RHOQ: variants seen among roughly 807,000 people sequenced by gnomAD.
RHOQ encodes the protein rho-related GTP-binding protein RhoQ.
Under a neutral mutation model 25.8 loss-of-function variants are expected in RHOQ, and 7 were observed. That is an observed-to-expected ratio of 0.27 (90% CI 0.15 to 0.51). RHOQ has a LOEUF of 0.51. Ranked by LOEUF, RHOQ falls within the 20% of genes least tolerant of loss-of-function variation. The pLI, the probability that RHOQ is intolerant of heterozygous loss-of-function variation, is 0.97. For missense variants in RHOQ, 165 were observed against 260.6 expected (o/e 0.63, Z 2.53); for synonymous variants, 97 against 98.6 (o/e 0.98, Z 0.10).
chr2:46,549,783 C>T (rs1010560589), intron 2 of RHOQ, among the ~76,000 whole-genome samples: 2 of 152,170 alleles, frequency 1.3e-5, no homozygotes, highest in Non-Finnish European at 2.9e-5. Flanking sequence ...TCCCCCGGCT[C>T]CCTGGGTAGA....
chr2:46,544,206 A>G (rs1157717371), intron 2 of RHOQ, among the ~76,000 whole-genome samples: 2 of 152,146 alleles, frequency 1.3e-5, no homozygotes, highest in Admixed American at 1.3e-4. Flanking sequence ...CTGCCTGCCC[A>G]AGGAGCCTGA....
At chr2:46,553,813 G>A (rs1439085365) in intron 2 of RHOQ, among the ~76,000 whole-genome samples, 4 of 152,136 alleles carry the variant, frequency 2.6e-5, no homozygotes, top group African/African-American at 7.2e-5. Flanking sequence ...TTCTGACCTT[G>A]TGATCCGCCC....
At chr2:46,550,542 G>T (rs1668208376) in intron 2 of RHOQ, among the ~76,000 whole-genome samples, 1 of 152,178 alleles carries the variant, frequency 6.6e-6, no homozygotes, top group Non-Finnish European at 1.5e-5. Flanking sequence ...GAGACCTCTT[G>T]CTCCCAGATC....
rs1159163787 is a variant in RHOQ, at chr2:46,542,964, A to AC, written c.-77dup. The AC allele has an allele frequency of 1.3e-4, 117 of 924,488 alleles. No homozygotes were observed. The highest frequency in any genetic ancestry group is 1.5e-4 in the Non-Finnish European group (114 of 735,866). The allele number at this position is 924,488 out of a possible 1,614,324, so 57.3% of individuals were successfully genotyped here. ...CGCGGAGCGGCGGCGACGGCGGCGGACCCCCCAGGCGGGCTGGGGCTGAGC... is the reference window on the plus strand; with the variant it reads ...CGCGGAGCGGCGGCGACGGCGGCGGACCCCCCCAGGCGGGCTGGGGCTGAGC... On this transcript the variant is annotated 5_prime_UTR_variant, in exon 1 of 5. An upstream open reading frame in the 5' UTR loses its in-frame stop. Transcript: ENST00000238738.
At chr2:46,551,239 G>A (rs561014492) in intron 2 of RHOQ, among the ~76,000 whole-genome samples, 1 of 152,336 alleles carries the variant, frequency 6.6e-6, no homozygotes, top group Non-Finnish European at 1.5e-5. Flanking sequence ...GGGCAGCTGG[G>A]TAGGGCCTGG....
chr2:46,560,742 C>T (rs1030943822), intron 2 of RHOQ: 8 of 419,540 alleles, frequency 1.9e-5, no homozygotes, highest in Admixed American at 2.5e-5. Flanking sequence ...CTAGACTTTG[C>T]GTAGAGTCTG....
Position 46,581,752 on chromosome 2 carries a change from T to G in RHOQ, c.*669T>G, listed in dbSNP as rs1214367571. On this transcript the variant is annotated 3_prime_UTR_variant, in exon 5 of 5. Transcript: ENST00000238738. Reference sequence around the variant, plus strand: ...CTGCATTTATCATGAACACTAAAAATGTACACATTTTAGTTAATGTGCATT... The same window carrying G: ...CTGCATTTATCATGAACACTAAAAAGGTACACATTTTAGTTAATGTGCATT... 8 of 1,037,688 alleles carry G rather than the reference T, an allele frequency of 7.7e-6. 1 individual carries two copies. The East Asian group carries it at 1.9e-4, about 24-fold the overall frequency. The allele number at this position is 1,037,688 out of a possible 1,614,324, so 64.3% of individuals were successfully genotyped here. A position where few individuals can be genotyped will look rare whatever the true frequency, so the allele number is the denominator to read the frequency against.
intron 2 of RHOQ, chr2:46,572,682 C>G (rs1046137824): frequency 2.3e-6 from 1 of 430,906 alleles, no homozygotes; most frequent in African/African-American, 2.1e-5. Flanking sequence ...GTTTAAATAC[C>G]TACATTTTAA....
At chr2:46,546,376 TAAAC>T (rs1668043490) in intron 2 of RHOQ, among the ~76,000 whole-genome samples, 1 of 145,876 alleles carries the variant, frequency 6.9e-6, no homozygotes, top group Admixed American at 6.9e-5. Flanking sequence ...CAATGATAAA[TAAAC>T]ATGTAAATAA....
Position 46,583,620 on chromosome 2 carries a change from A to G in RHOQ, c.*2537A>G, listed in dbSNP as rs1558697886. Among the ~76,000 whole-genome samples, 1 of 151,680 alleles carries G rather than the reference A, an allele frequency of 6.6e-6. No individual in the cohort carries two copies. Among genetic ancestry groups the G allele is most frequent in the Non-Finnish European group, 1.5e-5 (1 of 67,636 alleles). On this transcript the variant is annotated 3_prime_UTR_variant, in exon 5 of 5. Coordinates refer to ENST00000238738, the MANE Select transcript of RHOQ (RefSeq NM_012249.4). The stretch of plus-strand genomic sequence containing the variant: ...AAAAATCCTTCCTGTCACTTTAACT[A>G]AAAACCAAAGATTTGTTTTCTATTG...
At chr2:46,554,859 G>A (rs1392472760) in intron 2 of RHOQ, among the ~76,000 whole-genome samples, 1 of 151,232 alleles carries the variant, frequency 6.6e-6, no homozygotes, top group Non-Finnish European at 1.5e-5. Flanking sequence ...TAATGGTTGG[G>A]ATTATAAATG....
chr2:46,563,036 G>A (rs938755458), intron 2 of RHOQ, among the ~76,000 whole-genome samples: 13 of 152,216 alleles, frequency 8.5e-5, no homozygotes, highest in Admixed American at 5.2e-4. Context: ...CAGTGTTTAA[G>A]AGGAGGCTCC....
chr2:46,550,515 G>C (rs1406239155), intron 2 of RHOQ, among the ~76,000 whole-genome samples: 1 of 152,204 alleles, frequency 6.6e-6, no homozygotes, highest in Non-Finnish European at 1.5e-5. Flanking sequence ...TCAGACTCCG[G>C]CCTTTGCATG....
At chr2:46,574,083 A>G (rs1224523450) in intron 2 of RHOQ, among the ~76,000 whole-genome samples, 1 of 152,332 alleles carries the variant, frequency 6.6e-6, no homozygotes, top group East Asian at 1.9e-4. Context: ...GGGATAGAGA[A>G]TTTATGTTTA....
chr2:46,581,764 A>C lies in RHOQ; in HGVS notation c.*681A>C. On this transcript the variant is annotated 3_prime_UTR_variant, in exon 5 of 5. Transcript: ENST00000238738. ...TGAACACTAAAAATGTACACATTTT[A>C]GTTAATGTGCATTAAACTGTAACAA... 1.1e-6 allele frequency: 1 copy of C among 910,588 alleles called. No homozygotes were observed. Among genetic ancestry groups the C allele is most frequent in the Non-Finnish European group, 1.6e-6 (1 of 644,228 alleles). 56.4% of individuals were successfully genotyped at this position (910,588 alleles called of 1,614,324 possible).
chr2:46,573,187 C>T (rs1388792581), intron 2 of RHOQ, among the ~76,000 whole-genome samples: 2 of 152,002 alleles, frequency 1.3e-5, no homozygotes, highest in African/African-American at 4.8e-5. Context: ...CCTCAGCCTT[C>T]CGAATAGCTG....
At chr2:46,560,448 A>G (rs1668539059) in intron 2 of RHOQ, 1 of 364,416 alleles carries the variant, frequency 2.7e-6, no homozygotes, top group Non-Finnish European at 5.5e-6. Flanking sequence ...AATATGAAGA[A>G]CAAAGTTATA....
At position 46,566,398 on chromosome 2, in the gene RHOQ, C is replaced by CA. The variant is rs989560027; in HGVS notation, c.202-9688dup. 1.1e-3 allele frequency among the ~76,000 whole-genome samples: 175 copies of CA among 152,242 alleles called. 1 individual carries two copies. The highest frequency in any genetic ancestry group is 3.9e-3 in the African/African-American group (163 of 41,544). On this transcript the variant is annotated intron_variant, in intron 2 of 4. Transcript: ENST00000238738. This position sits in a 1 kb window ranked among gnomAD's most constrained non-coding sequence, Gnocchi z 4.2. ...CTATGGTGCTTCTCTACCCTACCCT[C>CA]AGTTTTCTTCATCCCTCTAAAAGAT... is the stretch of plus-strand genomic sequence containing the variant.
intron 2 of RHOQ, among the ~76,000 whole-genome samples, chr2:46,561,089 T>C (rs1193480732): frequency 6.6e-6 from 1 of 151,342 alleles, no homozygotes; most frequent in Non-Finnish European, 1.5e-5. Flanking sequence ...AGTATATATA[T>C]GTATATACAG....
Sources: allele counts gnomAD v4.1 joint callset (sites outside exome capture counted in the v4.1 genomes callset), GRCh38; gene constraint gnomAD v4.1.1; non-coding constraint Gnocchi (gnomAD v3.1); transcripts MANE v1.5; gene names NCBI Gene and HGNC (gene_info 2026-07-23, HGNC 2026-07-21).